The following NLRP11 variants were observed in gnomAD, a reference collection of about 807,000 sequenced individuals.
NLRP11 encodes NACHT, LRR and PYD domains-containing protein 11.
A neutral mutation model predicts 79.3 loss-of-function variants in NLRP11; 53 were observed. That is an observed-to-expected ratio of 0.67 (90% CI 0.54 to 0.84). The LOEUF is 0.84. NLRP11 is among the 40% of genes least tolerant of loss of function. The pLI is 0.00. For missense variants in NLRP11, 1,264 were observed against 1,255.0 expected (o/e 1.01, Z -0.11); for synonymous variants, 518 against 462.6 (o/e 1.12, Z -1.54).
chr19:55,822,877 G>T, intron 1 of NLRP11, among the ~76,000 whole-genome samples: 1 of 152,224 alleles, frequency 6.6e-6, no homozygotes. Context: ...GGTAAACAAA[G>T]CAGCCAGGAA....
intron 9 of NLRP11, among the ~76,000 whole-genome samples, chr19:55,787,399 C>T (rs368990872): frequency 5.9e-5 from 9 of 152,250 alleles, no homozygotes; most frequent in East Asian, 5.8e-4. Flanking sequence ...TGCAATGGTG[C>T]GATCTCGGCT....
At chr19:55,817,987 T>C in exon 2 of NLRP11, 1 of 1,613,254 alleles carries the variant, frequency 6.2e-7, no homozygotes, top group Non-Finnish European at 8.5e-7. Context: ...CCATATATAC[T>C]GTCCCTCATA....
At chr19:55,808,256 A>T (rs1980202403) in intron 3 of NLRP11, among the ~76,000 whole-genome samples, 1 of 152,236 alleles carries the variant, frequency 6.6e-6, no homozygotes, top group Non-Finnish European at 1.5e-5. Context: ...CGAGATTATT[A>T]AATATTTTTA....
intron 1 of NLRP11, among the ~76,000 whole-genome samples, chr19:55,822,924 G>A (rs1443929408): frequency 6.6e-6 from 1 of 152,184 alleles, no homozygotes; most frequent in Admixed American, 6.5e-5. Flanking sequence ...GCTCAAGGAG[G>A]CCTGCCTGCC....
chr19:55,804,005 C>A (rs768371130), intron 4 of NLRP11, among the ~76,000 whole-genome samples: 1 of 152,182 alleles, frequency 6.6e-6, no homozygotes, highest in African/African-American at 2.4e-5. Context: ...TCACTTGAAC[C>A]TGGGAAGTGG....
intron 2 of NLRP11, among the ~76,000 whole-genome samples, chr19:55,813,772 T>A (rs955468095): frequency 6.6e-6 from 1 of 151,980 alleles, no homozygotes; most frequent in Non-Finnish European, 1.5e-5. Flanking sequence ...CATTGCAATG[T>A]CCATGGAAGT....
intron 5 of NLRP11, 39 bp from the exon 6 acceptor site, chr19:55,796,289 T>G (rs7258027): frequency 0.027 from 41,466 of 1,547,666 alleles, 2,630 homozygotes; most frequent in African/African-American, 0.24. Context: ...GGCTCCCGCG[T>G]TTAAGCTATC....
upstream of NLRP11, among the ~76,000 whole-genome samples, chr19:55,833,866 A>G (rs570826731): frequency 1.1e-4 from 17 of 152,002 alleles, no homozygotes; most frequent in South Asian, 6.3e-4. Context: ...GGCAAATACG[A>G]AAAGCTGGTT....
At chr19:55,790,267 A>T (rs2616938) in intron 7 of NLRP11, among the ~76,000 whole-genome samples, 59,926 of 151,942 alleles carry the variant, frequency 0.39, 12,636 homozygotes, top group Admixed American at 0.5. Flanking sequence ...GCCTTTCTCT[A>T]TAAGGGGCCA....
chr19:55,791,680 C>T (rs1000415755), intron 7 of NLRP11, among the ~76,000 whole-genome samples: 1 of 151,752 alleles, frequency 6.6e-6, no homozygotes, highest in Non-Finnish European at 1.5e-5. Flanking sequence ...ATTTTTTTTT[C>T]AGGCAAGTGG....
intron 4 of NLRP11, among the ~76,000 whole-genome samples, chr19:55,804,089 AAAT>A (rs1979744053): frequency 6.6e-6 from 1 of 150,500 alleles, no homozygotes; most frequent in Admixed American, 6.7e-5. Context: ...CTCGAAAAAC[AAAT>A]TATGTATATA....
intron 1 of NLRP11, among the ~76,000 whole-genome samples, chr19:55,828,664 G>A (rs2084151278): frequency 6.6e-6 from 1 of 152,146 alleles, no homozygotes; most frequent in South Asian, 2.1e-4. Context: ...TAGATGGAAG[G>A]AAAATGCAAG....
chr19:55,792,500 C>T (rs372221655), intron 6 of NLRP11, 29 bp from the exon 7 acceptor site: 8 of 1,604,776 alleles, frequency 5.0e-6, no homozygotes, highest in Non-Finnish European at 6.0e-6. Context: ...GAGTCAGTGA[C>T]AGTGTGAGCA....
chr19:55,817,268 A>C (rs10419510), intron 2 of NLRP11, among the ~76,000 whole-genome samples: 33,876 of 151,976 alleles, frequency 0.22, 5,766 homozygotes, highest in African/African-American at 0.48. Context: ...CAGTGTGACT[A>C]TTCCTTAAAG....
At chr19:55,820,385 T>A (rs1434735728) in intron 1 of NLRP11, among the ~76,000 whole-genome samples, 4 of 151,862 alleles carry the variant, frequency 2.6e-5, no homozygotes, top group Non-Finnish European at 5.9e-5. Context: ...CTGGGGCACA[T>A]TGAGGTGGGA....
intron 5 of NLRP11, among the ~76,000 whole-genome samples, chr19:55,799,889 C>T (rs1379599538): frequency 1.3e-5 from 2 of 152,140 alleles, no homozygotes; most frequent in Non-Finnish European, 1.5e-5. Flanking sequence ...ATCGCTTAAA[C>T]CCGGGAGGCG....
At chr19:55,828,448 G>A (rs192892467) in intron 1 of NLRP11, among the ~76,000 whole-genome samples, 20 of 152,288 alleles carry the variant, frequency 1.3e-4, no homozygotes, top group Non-Finnish European at 2.4e-4. Flanking sequence ...AGACTGCAAA[G>A]TTAGTAATGA....
intron 7 of NLRP11, among the ~76,000 whole-genome samples, chr19:55,789,680 A>T (rs1457203342): frequency 6.6e-6 from 1 of 152,246 alleles, no homozygotes; most frequent in East Asian, 1.9e-4. Context: ...TGTCCCGGGA[A>T]GCCACATACA....
chr19:55,803,751 C>T (rs994764529), intron 4 of NLRP11, among the ~76,000 whole-genome samples: 10 of 152,172 alleles, frequency 6.6e-5, no homozygotes, highest in Middle Eastern at 3.4e-3. Context: ...CACGAGATAC[C>T]ATCTTACACC....
Sources: allele counts gnomAD v4.1 joint callset (sites outside exome capture counted in the v4.1 genomes callset), GRCh38; gene constraint gnomAD v4.1.1; transcripts MANE v1.5; gene names NCBI Gene and HGNC (gene_info 2026-07-23, HGNC 2026-07-21).